KIF16B: variants seen among roughly 807,000 people sequenced by gnomAD.
KIF16B encodes the protein kinesin-like protein KIF16B.
KIF16B carries 98 observed loss-of-function variants against 156.3 expected under a neutral mutation model. The ratio of observed to expected loss-of-function variants is 0.63; its 90% CI spans 0.53 to 0.74. KIF16B has a LOEUF of 0.74. Ranked by LOEUF, KIF16B falls within the 30% of genes least tolerant of loss-of-function variation. The pLI, the probability that KIF16B is intolerant of heterozygous loss-of-function variation, is 0.00. For missense variants in KIF16B, 1,421 were observed against 1,606.5 expected, an observed-to-expected ratio of 0.88 and a Z score of 1.97; for synonymous variants, 564 against 583.7, an observed-to-expected ratio of 0.97 and a Z score of 0.49.
At chr20:16,507,795 C>T (rs2068830799) in intron 7 of KIF16B, among the ~76,000 whole-genome samples, 163 bp downstream of exon 7, 1 of 152,186 alleles carries the variant, frequency 6.6e-6, no homozygotes, top group African/African-American at 2.4e-5. Context: ...CACAGAGAAA[C>T]TCAGCGCACA....
chr20:16,314,369 G>A (rs1000245746), intron 24 of KIF16B, among the ~76,000 whole-genome samples: 9 of 152,188 alleles, frequency 5.9e-5, no homozygotes, highest in Admixed American at 3.3e-4. Flanking sequence ...GATTGAAGTT[G>A]GGCAGATGTT....
At chr20:16,504,268 T>G in intron 10 of KIF16B, 104 bp downstream of exon 10, 1 of 1,152,878 alleles carries the variant, frequency 8.7e-7, no homozygotes, top group Non-Finnish European at 1.3e-6. Context: ...TTAGCACTTA[T>G]TTACTCAAAT....
chr20:16,342,396 T>C (rs968766243), intron 23 of KIF16B, among the ~76,000 whole-genome samples: 7 of 152,170 alleles, frequency 4.6e-5, no homozygotes, highest in African/African-American at 1.7e-4. Context: ...TAGATGCCAG[T>C]AGTTTTCTGA....
At chr20:16,433,626 C>T (rs911700512) in intron 12 of KIF16B, among the ~76,000 whole-genome samples, 3 of 152,004 alleles carry the variant, frequency 2.0e-5, no homozygotes, top group African/African-American at 7.2e-5. Context: ...CACACACACA[C>T]ACTCACATAC....
chr20:16,551,434 G>A (rs980002689), intron 1 of KIF16B, among the ~76,000 whole-genome samples: 2 of 152,104 alleles, frequency 1.3e-5, no homozygotes, highest in Non-Finnish European at 2.9e-5. Context: ...TGGCCGAGGC[G>A]CTTTCTCTCT....
intron 22 of KIF16B, among the ~76,000 whole-genome samples, chr20:16,364,861 T>A (rs942357540): frequency 1.3e-5 from 2 of 152,210 alleles, no homozygotes; most frequent in African/African-American, 4.8e-5. Flanking sequence ...AGTGATATGA[T>A]TTTTATACGA....
chr20:16,298,270 C>T (rs942793254), intron 25 of KIF16B, among the ~76,000 whole-genome samples: 1 of 152,184 alleles, frequency 6.6e-6, no homozygotes, highest in Non-Finnish European at 1.5e-5. Flanking sequence ...ATCCTCTGAC[C>T]TTAACAAAAG....
chr20:16,312,269 C>T, intron 25 of KIF16B, 66 bp downstream of exon 25: 1 of 1,188,304 alleles, frequency 8.4e-7, no homozygotes, highest in Non-Finnish European at 1.2e-6. Context: ...TTAACAGAAA[C>T]AATTCTTACC....
At chr20:16,471,838 T>C (rs999556261) in intron 12 of KIF16B, among the ~76,000 whole-genome samples, 4 of 152,248 alleles carry the variant, frequency 2.6e-5, no homozygotes, top group African/African-American at 9.6e-5. Context: ...TCCATATTTA[T>C]TCTTTTTTCC....
intron 1 of KIF16B, among the ~76,000 whole-genome samples, chr20:16,556,519 G>T (rs1398430499): frequency 6.6e-6 from 1 of 152,020 alleles, no homozygotes; most frequent in Non-Finnish European, 1.5e-5. Context: ...TTGCCCCCTG[G>T]GATTCTGTTC....
chr20:16,313,737 A>T (rs1468296371), intron 24 of KIF16B, among the ~76,000 whole-genome samples: 1 of 152,226 alleles, frequency 6.6e-6, no homozygotes, highest in East Asian at 1.9e-4. Context: ...TGTTTGTGAG[A>T]TCCAACCATG....
At position 16,381,724 on chromosome 20, in the gene KIF16B, C is replaced by A. The variant is rs766627223; in HGVS notation, c.1808G>T (p.Arg603Leu). The A allele has an allele frequency of 6.2e-6, 10 of 1,611,890 alleles. No homozygotes were observed. The highest frequency in any genetic ancestry group is 1.7e-4 in the Middle Eastern group (1 of 6,058). ...NPGLEFERQQ[R>L]EELEKLESKR... ...ACTTTCTAATTTTTCAAGTTCTTCACGCTGTTGCCTCTCAAATTCAAGTCT... is the reference window on the plus strand; with the variant it reads ...ACTTTCTAATTTTTCAAGTTCTTCAAGCTGTTGCCTCTCAAATTCAAGTCT... The change falls in exon 18 of 26, where the codon CGT becomes CTT. Residue 603 changes from arginine (R) to leucine (L), a missense_variant. Transcript: ENST00000354981.
intron 12 of KIF16B, among the ~76,000 whole-genome samples, chr20:16,471,459 C>T (rs1022024911): frequency 3.9e-5 from 6 of 152,110 alleles, no homozygotes; most frequent in Non-Finnish European, 7.4e-5. Context: ...GATGGTAATA[C>T]GTGGTAAATG....
Position 16,273,509 on chromosome 20 carries a change from G to A in KIF16B, c.3796-98C>T, listed in dbSNP as rs902980013. The A allele has an allele frequency of 5.6e-6, 5 of 900,302 alleles. No homozygotes were observed. In the African/African-American group the frequency reaches 8.3e-5, roughly 15 times the overall value. 55.8% of individuals were successfully genotyped at this position (900,302 alleles called of 1,614,324 possible). The stretch of plus-strand genomic sequence containing the variant: ...AGTTTGAGACCAGTCCAGGCAACAT[G>A]GAGAAACCTCATCTCTACAAAAAAT... On this transcript the variant is annotated intron_variant, in intron 25 of 25. Transcript: ENST00000354981.
chr20:16,439,112 G>A (rs2066724632), intron 12 of KIF16B, among the ~76,000 whole-genome samples: 1 of 152,118 alleles, frequency 6.6e-6, no homozygotes, highest in Non-Finnish European at 1.5e-5. Flanking sequence ...AATCAAGTGG[G>A]TCAGCCTAGA....
At chr20:16,412,550 T>G (rs1568952448) in intron 15 of KIF16B, among the ~76,000 whole-genome samples, 5 of 152,080 alleles carry the variant, frequency 3.3e-5, no homozygotes, top group Admixed American at 3.3e-4. Context: ...AACTTAATAA[T>G]CAAGGTGGAA....
intron 23 of KIF16B, among the ~76,000 whole-genome samples, chr20:16,340,573 G>T (rs1303384642): frequency 2.0e-5 from 3 of 152,232 alleles, no homozygotes; most frequent in African/African-American, 4.8e-5. Flanking sequence ...GCCTCTTAGT[G>T]ACAATGAATC....
At chr20:16,318,404 A>G (rs2063728061) in intron 24 of KIF16B, among the ~76,000 whole-genome samples, 1 of 152,198 alleles carries the variant, frequency 6.6e-6, no homozygotes, top group Non-Finnish European at 1.5e-5. Context: ...AGAAGAGAAA[A>G]TAAGGGTAAT....
chr20:16,552,737 C>T (rs1053594794), intron 1 of KIF16B, among the ~76,000 whole-genome samples: 2 of 152,302 alleles, frequency 1.3e-5, no homozygotes, highest in South Asian at 2.1e-4. Context: ...TTCACACTCA[C>T]ATTTCTGATA....
Sources: allele counts gnomAD v4.1 joint callset (sites outside exome capture counted in the v4.1 genomes callset), GRCh38; gene constraint gnomAD v4.1.1; transcripts MANE v1.5; gene names NCBI Gene and HGNC (gene_info 2026-07-23, HGNC 2026-07-21).